The following RBFOX1 variants were observed in gnomAD, a reference collection of about 807,000 sequenced individuals.
The protein encoded by RBFOX1 is RNA binding protein fox-1 homolog 1.
In RBFOX1, 8 loss-of-function variants were observed where a neutral mutation model predicts 57.7. That is an observed-to-expected ratio of 0.14 (90% CI 0.08 to 0.25). The LOEUF (loss-of-function observed/expected upper bound fraction) is 0.25. RBFOX1 is among the 10% of genes least tolerant of loss of function. The probability of loss-of-function intolerance (pLI) is 1.00; values close to 1 mark genes in which losing one functional copy is unlikely to be tolerated. For missense variants in RBFOX1, 611 were observed against 548.5 expected (o/e 1.11, Z -1.14); for synonymous variants, 326 against 222.4 (o/e 1.47, Z -4.15).
intron 1 of RBFOX1, among the ~76,000 whole-genome samples, chr16:5,445,214 G>C (rs1479331417): frequency 6.6e-6 from 1 of 152,182 alleles, no homozygotes; most frequent in African/African-American, 2.4e-5. Context: ...GAGGGACGTG[G>C]GAGTAGGGGA....
At chr16:5,993,377 GTGTGTGT>G in intron 4 of RBFOX1, among the ~76,000 whole-genome samples, 1 of 31,388 alleles carries the variant, frequency 3.2e-5, no homozygotes, top group Middle Eastern at 0.02. Context: ...GTGTGTGTGT[GTGTGTGT>G]GAGAGAGAGA....
At chr16:7,058,113 C>G (rs561797199) in intron 4 of RBFOX1, among the ~76,000 whole-genome samples, 10 of 151,970 alleles carry the variant, frequency 6.6e-5, no homozygotes, top group Admixed American at 1.3e-4. Context: ...TGTGCTACCA[C>G]CAACTGCTAG....
chr16:7,413,548 C>G (rs548178905), intron 4 of RBFOX1, among the ~76,000 whole-genome samples: 1 of 152,052 alleles, frequency 6.6e-6, no homozygotes, highest in African/African-American at 2.4e-5. Context: ...CCTTGTAAGG[C>G]TGCCATCCAT....
chr16:7,295,828 G>C (rs1403526959), intron 4 of RBFOX1, among the ~76,000 whole-genome samples: 1 of 152,094 alleles, frequency 6.6e-6, no homozygotes, highest in African/African-American at 2.4e-5. Flanking sequence ...AATAAACTCT[G>C]GTGATCCAAC....
At chr16:7,250,049 C>T (rs910724159) in intron 4 of RBFOX1, among the ~76,000 whole-genome samples, 2 of 152,172 alleles carry the variant, frequency 1.3e-5, no homozygotes, top group African/African-American at 4.8e-5. Flanking sequence ...TATTTGGTAA[C>T]TCTAAGAATC....
chr16:6,809,027 C>T (rs1393593130), intron 3 of RBFOX1, among the ~76,000 whole-genome samples: 1 of 152,138 alleles, frequency 6.6e-6, no homozygotes, highest in Non-Finnish European at 1.5e-5. Context: ...GGAGTATGCA[C>T]CTGTAACAAT....
At chr16:6,079,662 C>G (rs1179940867) in intron 1 of RBFOX1, among the ~76,000 whole-genome samples, 2 of 151,942 alleles carry the variant, frequency 1.3e-5, no homozygotes, top group South Asian at 4.2e-4. Context: ...CAGGGAGACC[C>G]CGTTTCTACA....
intron 1 of RBFOX1, among the ~76,000 whole-genome samples, chr16:5,430,105 C>A (rs1247499673): frequency 6.6e-6 from 1 of 152,212 alleles, no homozygotes; most frequent in African/African-American, 2.4e-5. Flanking sequence ...CTGACAAATT[C>A]TCCACTGACC....
At chr16:6,517,524 T>TA (rs1179200089) in intron 2 of RBFOX1, among the ~76,000 whole-genome samples, 4 of 152,128 alleles carry the variant, frequency 2.6e-5, no homozygotes, top group Non-Finnish European at 5.9e-5. Context: ...CTTCTCCACC[T>TA]ACACTGCCGA....
chr16:7,630,764 C>T, intron 11 of RBFOX1, 81 bp downstream of exon 11: 1 of 1,574,852 alleles, frequency 6.3e-7, no homozygotes, highest in Non-Finnish European at 8.6e-7. Context: ...AAGTTCTCTC[C>T]CCCTCCCTCT....
chr16:5,948,904 C>G (rs2059459894), intron 4 of RBFOX1, among the ~76,000 whole-genome samples: 1 of 152,190 alleles, frequency 6.6e-6, no homozygotes, highest in African/African-American at 2.4e-5. Context: ...CACCCAACAC[C>G]TAGTGGGTAC....
At chr16:6,860,671 T>C (rs1393799243) in intron 3 of RBFOX1, among the ~76,000 whole-genome samples, 3 of 152,166 alleles carry the variant, frequency 2.0e-5, no homozygotes, top group Admixed American at 6.5e-5. Context: ...AAATAGAAGA[T>C]AAATTGTAGC....
chr16:6,295,785 G>T (rs996134985), intron 1 of RBFOX1, among the ~76,000 whole-genome samples: 2 of 152,152 alleles, frequency 1.3e-5, no homozygotes, highest in African/African-American at 2.4e-5. Flanking sequence ...TGCAGAGCCC[G>T]CTGTTCACAA....
At chr16:6,092,925 T>G (rs897822557) in intron 1 of RBFOX1, 18 of 152,174 alleles carry the variant, frequency 1.2e-4, no homozygotes, top group African/African-American at 4.3e-4. Context: ...ATTCCTATGG[T>G]GGGAAGAAAG....
chr16:5,255,316 A>ATCC (rs2062557411), intron 1 of RBFOX1, among the ~76,000 whole-genome samples: 1 of 91,040 alleles, frequency 1.1e-5, no homozygotes, highest in Non-Finnish European at 2.5e-5. Context: ...ATCCGTCCAC[A>ATCC]CTTCCTTCCA....
chr16:6,077,912 A>C (rs1481932598), intron 1 of RBFOX1, among the ~76,000 whole-genome samples: 2 of 152,078 alleles, frequency 1.3e-5, no homozygotes, highest in Non-Finnish European at 2.9e-5. Context: ...TAGACATTGG[A>C]AGGACTCCTC....
Position 5,385,414 on chromosome 16 carries a change from C to A in RBFOX1, c.220-81802C>A, listed in dbSNP as rs1054155459. Among the ~76,000 whole-genome samples, 4 of 152,178 alleles carry A rather than the reference C, an allele frequency of 2.6e-5. No individual in the cohort carries two copies. In the East Asian group the frequency reaches 5.8e-4, roughly 22 times the overall value. ...GTATTGGATTAAAATGTCACTCCACCCTTAGTGTATCTTTTGGGACATGAA... is the reference window on the plus strand; with the variant it reads ...GTATTGGATTAAAATGTCACTCCACACTTAGTGTATCTTTTGGGACATGAA... On this transcript the variant is annotated intron_variant, in intron 1 of 2. Coordinates refer to the RBFOX1 transcript ENST00000585867.
chr16:7,021,724 A>G (rs936714427), intron 3 of RBFOX1, among the ~76,000 whole-genome samples: 1 of 150,626 alleles, frequency 6.6e-6, no homozygotes, highest in Admixed American at 6.6e-5. Context: ...CTTTTTGCAC[A>G]TAACAAAAAT....
At position 6,409,350 on chromosome 16, in the gene RBFOX1, G is replaced by A. The variant is rs912284300; in HGVS notation, c.-64+92293G>A. On this transcript the variant is annotated intron_variant, in intron 2 of 15. Transcript: ENST00000550418. ...AATCGCTTGAACCTGGGAGGCGGAT[G>A]TTGCAGTGAGCCGAGATCATGCCAT... Among the ~76,000 whole-genome samples the A allele has an allele frequency of 2.0e-5, 3 of 152,278 alleles. No individual in the cohort carries two copies. The East Asian group carries it at 5.8e-4, about 29-fold the overall frequency.
Sources: allele counts gnomAD v4.1 joint callset (sites outside exome capture counted in the v4.1 genomes callset), GRCh38; gene constraint gnomAD v4.1.1; transcripts MANE v1.5; gene names NCBI Gene and HGNC (gene_info 2026-07-23, HGNC 2026-07-21).